MARK2: variants seen among roughly 807,000 people sequenced by gnomAD.
MARK2 encodes the protein serine/threonine-protein kinase MARK2.
A neutral mutation model predicts 89.8 loss-of-function variants in MARK2; 16 were observed. That is an observed-to-expected ratio of 0.18 (90% CI 0.12 to 0.27). The LOEUF is 0.27. Among genes scored for constraint, MARK2 ranks in the 10% least tolerant of loss-of-function variants. The pLI, the probability that MARK2 is intolerant of heterozygous loss-of-function variation, is 1.00. For missense variants in MARK2, 621 were observed against 1,049.9 expected, an observed-to-expected ratio of 0.59 and a Z score of 5.65; for synonymous variants, 382 against 399.5, an observed-to-expected ratio of 0.96 and a Z score of 0.52.
At chr11:63,884,860 T>A (rs1939300207) in intron 1 of MARK2, among the ~76,000 whole-genome samples, 1 of 152,112 alleles carries the variant, frequency 6.6e-6, no homozygotes, top group African/African-American at 2.4e-5. Context: ...CTGGATACAG[T>A]GAGGGAGGAA....
intron 1 of MARK2, among the ~76,000 whole-genome samples, chr11:63,892,239 C>T (rs1024911691): frequency 2.0e-5 from 3 of 152,192 alleles, no homozygotes; most frequent in Non-Finnish European, 4.4e-5. Flanking sequence ...CTTCCTCCTC[C>T]AAGGTCCAAC....
At chr11:63,854,649 A>G (rs1185869680) in intron 1 of MARK2, among the ~76,000 whole-genome samples, 1 of 151,798 alleles carries the variant, frequency 6.6e-6, no homozygotes, top group Non-Finnish European at 1.5e-5. Context: ...AGCCTGTCCA[A>G]CATGGTGAAA....
intron 1 of MARK2, among the ~76,000 whole-genome samples, chr11:63,846,165 G>C (rs766413792): frequency 2.2e-4 from 33 of 152,006 alleles, no homozygotes; most frequent in Admixed American, 8.5e-4. Context: ...CTCCTCCTCT[G>C]ATAAGTATAA....
Position 63,904,802 on chromosome 11 carries a change from G to A in MARK2, c.1693G>A (p.Val565Ile). Residue 565 changes from valine (V) to isoleucine (I), a missense_variant, in exon 16 of 19, where the codon GTC becomes ATC. By Grantham distance (29) the Val-to-Ile change is conservative (BLOSUM62 3). This residue lies in a region of MARK2 where 397 missense variants were observed against 567.8 expected (regional missense o/e 0.70). Coordinates refer to ENST00000402010, the MANE Select transcript of MARK2 (RefSeq NM_001039469.3). This position sits in a 1 kb window ranked among gnomAD's most constrained non-coding sequence, Gnocchi z 6.3. ...VPRPSTAPQR[V>I]PVASPSAHNI... ...TTCCCACAGCACAGCCCCCCAGCGTGTCCCTGTTGCCTCCCCATCCGCCCA... is the reference window on the plus strand; with the variant it reads ...TTCCCACAGCACAGCCCCCCAGCGTATCCCTGTTGCCTCCCCATCCGCCCA... 1 of 1,614,054 alleles carries A rather than the reference G, an allele frequency of 6.2e-7. No individual in the cohort carries two copies. The highest frequency in any genetic ancestry group is 1.7e-5 in the Admixed American group (1 of 60,018).
At chr11:63,850,283 G>C (rs1043243115) in intron 1 of MARK2, among the ~76,000 whole-genome samples, 2 of 151,156 alleles carry the variant, frequency 1.3e-5, no homozygotes, top group South Asian at 2.1e-4. Flanking sequence ...CAAGTAGCTG[G>C]GATTACAGGC....
chr11:63,908,848 C>CA, intron 18 of MARK2, 29 bp from the exon 19 acceptor site: 1 of 1,435,284 alleles, frequency 7.0e-7, no homozygotes, highest in East Asian at 2.5e-5. Context: ...TCAGCCCCCC[C>CA]GTGACGCCCG....
Position 63,904,761 on chromosome 11 carries a change from C to G in MARK2, c.1677-25C>G, listed in dbSNP as rs1941189471. On this transcript the variant is annotated intron_variant, in intron 15 of 18. Coordinates refer to ENST00000402010, the MANE Select transcript of MARK2 (RefSeq NM_001039469.3). The surrounding 1 kb of genome is among the most constrained non-coding windows in gnomAD (Gnocchi z 6.3). ...CTGTCCTGTACCCTAATTCGTCCCCCTCAACCCCACTTCTCTTCCCACAGC... is the reference window on the plus strand; with the variant it reads ...CTGTCCTGTACCCTAATTCGTCCCCGTCAACCCCACTTCTCTTCCCACAGC... The G allele has an allele frequency of 6.2e-7, 1 of 1,609,142 alleles. No individual in the cohort carries two copies. The highest frequency in any genetic ancestry group is 8.5e-7 in the Non-Finnish European group (1 of 1,176,434).
intron 1 of MARK2, among the ~76,000 whole-genome samples, chr11:63,864,507 G>T (rs1938017808): frequency 6.6e-6 from 1 of 151,906 alleles, no homozygotes; most frequent in Non-Finnish European, 1.5e-5. Context: ...TGATCTGCCT[G>T]CCTCAGCCTC....
chr11:63,863,781 C>CT (rs1241349860), intron 1 of MARK2, among the ~76,000 whole-genome samples: 7 of 149,422 alleles, frequency 4.7e-5, no homozygotes, highest in Non-Finnish European at 8.9e-5. Context: ...ACCACCACCA[C>CT]TTTTTTTTTG....
chr11:63,909,378 A>C lies in MARK2; in HGVS notation c.*141A>C, dbSNP rs1941604623. On this transcript the variant is annotated 3_prime_UTR_variant, in exon 19 of 19. Transcript: ENST00000402010. Reference sequence around the variant, plus strand: ...ACTTCTCCCCTCCCTGGCCCTTCTCAGTTTTCTCTTACATGTTTGTGGGGG... The same window carrying C: ...ACTTCTCCCCTCCCTGGCCCTTCTCCGTTTTCTCTTACATGTTTGTGGGGG... 1 of 867,130 alleles carries C rather than the reference A, an allele frequency of 1.2e-6. No individual in the cohort carries two copies. The highest frequency in any genetic ancestry group is 1.8e-5 in the African/African-American group (1 of 56,912). The allele number at this position is 867,130 out of a possible 1,614,324, so 53.7% of individuals were successfully genotyped here. A position where few individuals can be genotyped will look rare whatever the true frequency, so the allele number is the denominator to read the frequency against.
At chr11:63,897,638 C>T (rs938966276) in intron 3 of MARK2, among the ~76,000 whole-genome samples, 2 of 152,118 alleles carry the variant, frequency 1.3e-5, no homozygotes, top group Admixed American at 6.5e-5. Context: ...GTTTGGAGCC[C>T]CTGGTTTTGT....
intron 1 of MARK2, among the ~76,000 whole-genome samples, chr11:63,861,341 C>G (rs1937765922): frequency 1.3e-5 from 2 of 152,046 alleles, no homozygotes; most frequent in Admixed American, 6.6e-5. Context: ...GAGGCTGAGG[C>G]AGAGAATTGC....
intron 1 of MARK2, among the ~76,000 whole-genome samples, chr11:63,854,479 A>T (rs1170818689): frequency 2.0e-5 from 3 of 146,666 alleles, no homozygotes; most frequent in Non-Finnish European, 3.0e-5. Flanking sequence ...AGCCTCCCAC[A>T]GTGCTGGGAT....
At chr11:63,840,398 C>G (rs141468204) in intron 1 of MARK2, among the ~76,000 whole-genome samples, 170 of 152,294 alleles carry the variant, frequency 1.1e-3, no homozygotes, top group African/African-American at 3.8e-3. Flanking sequence ...CCTCTTGTTT[C>G]TCTCTGTGAG....
At chr11:63,870,104 G>A (rs961552833) in intron 1 of MARK2, among the ~76,000 whole-genome samples, 1 of 152,190 alleles carries the variant, frequency 6.6e-6, no homozygotes, top group Non-Finnish European at 1.5e-5. Flanking sequence ...AGCCCTCAAC[G>A]GCAGAAGGCA....
chr11:63,872,124 A>G (rs1470813331), intron 1 of MARK2, among the ~76,000 whole-genome samples: 5 of 152,178 alleles, frequency 3.3e-5, no homozygotes, highest in Admixed American at 6.5e-5. Context: ...AAGAGGAAGT[A>G]TGTAGTGGCC....
chr11:63,882,575 ACT>A (rs1653718929), intron 1 of MARK2: 1 of 151,812 alleles, frequency 6.6e-6, no homozygotes, highest in South Asian at 2.1e-4. Flanking sequence ...CAGGAGCGAA[ACT>A]CTGTCTCAAA....
chr11:63,856,333 T>TTTTTA, intron 1 of MARK2, among the ~76,000 whole-genome samples: 1 of 140,826 alleles, frequency 7.1e-6, no homozygotes, highest in South Asian at 2.2e-4. Context: ...TTTTTTTTTT[T>TTTTTA]TTTTAAATAT....
At chr11:63,864,106 A>G (rs895050490) in intron 1 of MARK2, among the ~76,000 whole-genome samples, 1 of 151,744 alleles carries the variant, frequency 6.6e-6, no homozygotes, top group Non-Finnish European at 1.5e-5. Flanking sequence ...GGCGCCCGCC[A>G]CCACTCCCGG....
Sources: allele counts gnomAD v4.1 joint callset (sites outside exome capture counted in the v4.1 genomes callset), GRCh38; gene constraint gnomAD v4.1.1; regional missense constraint gnomAD v4.1.1; non-coding constraint Gnocchi (gnomAD v3.1); transcripts MANE v1.5; gene names NCBI Gene and HGNC (gene_info 2026-07-23, HGNC 2026-07-21).